EAF2: variants seen among roughly 807,000 people sequenced by gnomAD.
EAF2 encodes the protein ELL associated factor 2.
A neutral mutation model predicts 29.4 loss-of-function variants in EAF2; 29 were observed. The observed-to-expected ratio is 0.99, with a 90% confidence interval of 0.73 to 1.35. The LOEUF (loss-of-function observed/expected upper bound fraction) is 1.35. Among genes scored for constraint, EAF2 ranks in the 40% most tolerant of loss-of-function variants. The pLI is 0.00. For synonymous variants in EAF2, 103 were observed against 102.5 expected (o/e 1.00, Z -0.03); for missense variants, 292 against 312.0 (o/e 0.94, Z 0.48).
chr3:121,862,482 A>G (rs2107527603), intron 4 of EAF2, among the ~76,000 whole-genome samples: 1 of 152,282 alleles, frequency 6.6e-6, no homozygotes, highest in Admixed American at 6.5e-5. Flanking sequence ...AGCTTGTGGA[A>G]GCATCACGTA....
chr3:121,841,504 CAAAAAAAAAAAAAAAAA>C (rs57868658), intron 1 of EAF2, among the ~76,000 whole-genome samples: 273 of 25,950 alleles, frequency 0.011, 6 homozygotes, highest in Admixed American at 0.062. Context: ...GACCCTGTCT[CAAAAAAAAAAAAAAAAA>C]AAAAAAAAAA....
chr3:121,840,189 G>GAAA (rs35521886), intron 1 of EAF2, among the ~76,000 whole-genome samples: 27 of 69,612 alleles, frequency 3.9e-4, no homozygotes, highest in Admixed American at 7.6e-4. Flanking sequence ...ATTCTCTCAG[G>GAAA]AAAAAAAAAA....
intron 4 of EAF2, among the ~76,000 whole-genome samples, chr3:121,862,042 T>C (rs919515816): frequency 3.3e-5 from 5 of 152,230 alleles, no homozygotes; most frequent in South Asian, 2.1e-4. Context: ...AGAGATCTGC[T>C]GTTAGTCTGA....
chr3:121,862,369 C>A (rs1708848046), intron 4 of EAF2, among the ~76,000 whole-genome samples: 1 of 152,154 alleles, frequency 6.6e-6, no homozygotes, highest in South Asian at 2.1e-4. Flanking sequence ...TTGTTCATTT[C>A]TTTTTACTCT....
intron 4 of EAF2, among the ~76,000 whole-genome samples, chr3:121,865,482 G>C (rs1478596607): frequency 6.6e-6 from 1 of 152,042 alleles, no homozygotes; most frequent in Admixed American, 6.6e-5. Flanking sequence ...TCTGGCAGTT[G>C]TACTAATATT....
At chr3:121,837,242 T>C (rs1406531190) in intron 1 of EAF2, among the ~76,000 whole-genome samples, 1 of 152,194 alleles carries the variant, frequency 6.6e-6, no homozygotes, top group Non-Finnish European at 1.5e-5. Context: ...TAAAACTGTT[T>C]ATTATTCTTG....
intron 1 of EAF2, chr3:121,836,891 T>C: frequency 2.9e-6 from 2 of 698,258 alleles, no homozygotes; most frequent in African/African-American, 3.9e-5. Flanking sequence ...TGGGTATATA[T>C]TCTCTTATGT....
At chr3:121,860,612 A>C (rs1216693715) in intron 4 of EAF2, among the ~76,000 whole-genome samples, 1 of 152,024 alleles carries the variant, frequency 6.6e-6, no homozygotes, top group Non-Finnish European at 1.5e-5. Flanking sequence ...GATCTTTTCA[A>C]AAAACCAGCT....
chr3:121,853,405 T>C (rs57365001), intron 2 of EAF2, among the ~76,000 whole-genome samples: 22,165 of 152,142 alleles, frequency 0.15, 2,002 homozygotes, highest in African/African-American at 0.25. Flanking sequence ...CCTTCCTTTC[T>C]TCTCCACCCC....
At chr3:121,869,419 G>T (rs948540012) in intron 4 of EAF2, among the ~76,000 whole-genome samples, 8 of 152,120 alleles carry the variant, frequency 5.3e-5, no homozygotes, top group Non-Finnish European at 1.2e-4. Context: ...GAAACAAAAA[G>T]GCAGTCATCG....
chr3:121,870,092 CA>C (rs1411624744), intron 4 of EAF2, among the ~76,000 whole-genome samples: 1 of 151,810 alleles, frequency 6.6e-6, no homozygotes, highest in Non-Finnish European at 1.5e-5. Flanking sequence ...AGAAGTCTAC[CA>C]AACATTTAAA....
intron 1 of EAF2, chr3:121,836,664 G>A (rs190802724): frequency 5.2e-5 from 51 of 987,704 alleles, no homozygotes; most frequent in Admixed American, 2.5e-4. Flanking sequence ...CGATGAGATG[G>A]TGCTGTGCTG....
intron 1 of EAF2, among the ~76,000 whole-genome samples, chr3:121,843,424 T>C (rs192204450): frequency 6.6e-6 from 1 of 152,282 alleles, no homozygotes; most frequent in Non-Finnish European, 1.5e-5. Flanking sequence ...GATTAATCTT[T>C]TGGAACAATG....
At chr3:121,866,382 T>C (rs1708927055) in intron 4 of EAF2, among the ~76,000 whole-genome samples, 1 of 152,246 alleles carries the variant, frequency 6.6e-6, no homozygotes, top group South Asian at 2.1e-4. Context: ...TTGAATAAGA[T>C]ATAGATCTCC....
chr3:121,854,718 G>A lies in EAF2; in HGVS notation c.233G>A (p.Gly78Asp). The change falls in exon 3 of 6, where the codon GGT becomes GAT. Residue 78 changes from glycine to aspartate, a missense_variant. Transcript: ENST00000273668. The part of the protein sequence containing the change: ...GSTPPVTVFK[G>D]SKKPYLKECI... Reference sequence around the variant, plus strand: ...ACTCCACCAGTAACTGTTTTCAAAGGTTCAAAAAAACCTTACTTAAAAGAA... The same window carrying A: ...ACTCCACCAGTAACTGTTTTCAAAGATTCAAAAAAACCTTACTTAAAAGAA... 2 of 1,558,972 alleles carry A rather than the reference G, an allele frequency of 1.3e-6. No homozygotes were observed. Among genetic ancestry groups the A allele is most frequent in the African/African-American group, 1.4e-5 (1 of 70,972 alleles).
At chr3:121,846,466 T>A (rs1559818502) in intron 2 of EAF2, among the ~76,000 whole-genome samples, 2 of 152,338 alleles carry the variant, frequency 1.3e-5, no homozygotes, top group East Asian at 1.9e-4. Flanking sequence ...TCCAGTAACC[T>A]AAGGCTTCTT....
intron 4 of EAF2, among the ~76,000 whole-genome samples, chr3:121,858,869 G>A (rs1708773517): frequency 6.6e-6 from 1 of 152,178 alleles, no homozygotes; most frequent in Non-Finnish European, 1.5e-5. Flanking sequence ...AAAGTATCCA[G>A]TTTCAGCTTT....
At chr3:121,850,884 A>G (rs1417522903) in intron 2 of EAF2, among the ~76,000 whole-genome samples, 1 of 150,808 alleles carries the variant, frequency 6.6e-6, no homozygotes, top group Non-Finnish European at 1.5e-5. Context: ...CATTTTTAGT[A>G]GAGTTGGGGG....
chr3:121,872,935 T>C (rs2107540815), intron 5 of EAF2, 147 bp downstream of exon 5: 1 of 1,249,912 alleles, frequency 8.0e-7, no homozygotes, highest in East Asian at 2.5e-5. Context: ...GAATTATGGT[T>C]TTCTTTTGAA....
Sources: allele counts gnomAD v4.1 joint callset (sites outside exome capture counted in the v4.1 genomes callset), GRCh38; gene constraint gnomAD v4.1.1; transcripts MANE v1.5; gene names NCBI Gene and HGNC (gene_info 2026-07-23, HGNC 2026-07-21).